Variants in FBN2 observed in about 807,000 individuals in gnomAD.
The protein encoded by FBN2 is fibrillin 2.
A neutral mutation model predicts 355.6 loss-of-function variants in FBN2; 105 were observed. That is an observed-to-expected ratio of 0.30 (90% CI 0.25 to 0.35). The LOEUF (loss-of-function observed/expected upper bound fraction) is 0.35, where lower values mean the gene tolerates loss of function less well. FBN2 is among the 10% of genes least tolerant of loss of function. The pLI is 1.00. For synonymous variants in FBN2, 1,350 were observed against 1,301.2 expected, an observed-to-expected ratio of 1.04 and a Z score of -0.81; for missense variants, 3,280 against 3,758.7, an observed-to-expected ratio of 0.87 and a Z score of 3.33.
At chr5:128,401,966 A>G (rs1752809412) in intron 8 of FBN2, among the ~76,000 whole-genome samples, 1 of 152,172 alleles carries the variant, frequency 6.6e-6, no homozygotes, top group East Asian at 1.9e-4. Context: ...CTAGTAACAA[A>G]AAGGAGGCAG....
intron 5 of FBN2, among the ~76,000 whole-genome samples, chr5:128,469,050 CTAGA>C (rs1754786435): frequency 6.6e-6 from 1 of 151,884 alleles, no homozygotes; most frequent in South Asian, 2.1e-4. Context: ...CTAGTATATA[CTAGA>C]TATTGTTCTG....
chr5:128,515,485 GGTGA>G (rs1041092995), intron 5 of FBN2, among the ~76,000 whole-genome samples: 1 of 152,072 alleles, frequency 6.6e-6, no homozygotes, highest in African/African-American at 2.4e-5. Flanking sequence ...TTCATGATGG[GGTGA>G]GTGAGTGAGA....
chr5:128,335,626 G>A, intron 28 of FBN2, 49 bp from the exon 29 acceptor site: 2 of 1,611,638 alleles, frequency 1.2e-6, no homozygotes, highest in Non-Finnish European at 8.5e-7. Flanking sequence ...TTCCTTAAAA[G>A]GAGTTTTCTT....
intron 7 of FBN2, among the ~76,000 whole-genome samples, chr5:128,437,282 T>A (rs886287420): frequency 6.6e-6 from 1 of 152,164 alleles, no homozygotes; most frequent in Non-Finnish European, 1.5e-5. Context: ...TATAGCTACA[T>A]AATGGAATAT....
At chr5:128,332,852 C>CA in intron 32 of FBN2, 60 bp downstream of exon 32, 3 of 1,545,728 alleles carry the variant, frequency 1.9e-6, no homozygotes, top group Non-Finnish European at 2.7e-6. Flanking sequence ...TACAACCATG[C>CA]AAAAAAGAGC....
chr5:128,413,877 A>G (rs536838748), intron 7 of FBN2, among the ~76,000 whole-genome samples: 2 of 152,320 alleles, frequency 1.3e-5, no homozygotes, highest in East Asian at 1.9e-4. Flanking sequence ...TTTGATATAG[A>G]AAAAAGTAAG....
Position 128,392,096 on chromosome 5 carries a change from G to C in FBN2, c.1525C>G (p.Arg509Gly). ...TAGCTTGAGACAGTTGGTATACAGCGTCCATTTAAACAAAGGTTAGCATGA... is the reference window on the plus strand; with the variant it reads ...TAGCTTGAGACAGTTGGTATACAGCCTCCATTTAAACAAAGGTTAGCATGA... ...KHHANLCLNG[R>G]CIPTVSSYRC... Residue 509 changes from arginine (R) to glycine (G), a missense_variant, in exon 11 of 65, where the codon CGC (arginine) becomes GGC (glycine). This residue lies in a region of FBN2 where 2,284 missense variants were observed against 2,749.5 expected (regional missense o/e 0.83). Coordinates refer to ENST00000262464, the MANE Select transcript of FBN2 (RefSeq NM_001999.4). 6.2e-7 allele frequency: 1 copy of C among 1,612,790 alleles called. No individual in the cohort carries two copies. Among genetic ancestry groups the C allele is most frequent in the Non-Finnish European group, 8.5e-7 (1 of 1,178,932 alleles).
chr5:128,465,123 A>C (rs1304530609), intron 5 of FBN2, among the ~76,000 whole-genome samples: 1 of 152,206 alleles, frequency 6.6e-6, no homozygotes, highest in East Asian at 1.9e-4. Flanking sequence ...TCCACACTAG[A>C]CACTGTAAAT....
intron 41 of FBN2, 142 bp from the exon 42 acceptor site, chr5:128,307,345 A>G: frequency 1.5e-6 from 1 of 667,744 alleles, no homozygotes. Context: ...ATTTGATAGC[A>G]ATGCCAGCTT....
intron 25 of FBN2, 199 bp from the exon 26 acceptor site, chr5:128,339,260 G>T: frequency 1.8e-6 from 1 of 569,284 alleles, no homozygotes; most frequent in Non-Finnish European, 3.2e-6. Context: ...CATGCCAACA[G>T]GCAAGTGGTG....
At chr5:128,369,124 C>A in intron 16 of FBN2, 58 bp downstream of exon 16, 1 of 1,561,122 alleles carries the variant, frequency 6.4e-7, no homozygotes, top group Non-Finnish European at 8.8e-7. Context: ...TTTGGCCAAA[C>A]ATCTAAGGTT....
chr5:128,429,382 A>G (rs1475795999), intron 7 of FBN2, among the ~76,000 whole-genome samples: 3 of 152,208 alleles, frequency 2.0e-5, no homozygotes, highest in Non-Finnish European at 4.4e-5. Flanking sequence ...AATGGTTTAC[A>G]GTATAGCAGT....
chr5:128,381,444 A>G (rs1214820246), intron 11 of FBN2, among the ~76,000 whole-genome samples: 5 of 152,106 alleles, frequency 3.3e-5, no homozygotes, highest in African/African-American at 9.7e-5. Flanking sequence ...TCAAAACATT[A>G]GCGCAGCTGA....
chr5:128,407,794 C>G (rs1042321941), intron 8 of FBN2, among the ~76,000 whole-genome samples: 2 of 152,122 alleles, frequency 1.3e-5, no homozygotes, highest in Non-Finnish European at 2.9e-5. Flanking sequence ...TTCTCTTGGG[C>G]ACATGAGAAT....
intron 18 of FBN2, among the ~76,000 whole-genome samples, chr5:128,363,792 A>T (rs918494351): frequency 6.6e-6 from 1 of 152,208 alleles, no homozygotes; most frequent in Non-Finnish European, 1.5e-5. Flanking sequence ...TAGTTATCAA[A>T]ATCTATTATA....
At chr5:128,303,747 G>A (rs1376346932) in intron 45 of FBN2, among the ~76,000 whole-genome samples, 1 of 152,168 alleles carries the variant, frequency 6.6e-6, no homozygotes, top group Non-Finnish European at 1.5e-5. Context: ...AGGTCTTACT[G>A]AAGAATCTGA....
intron 24 of FBN2, 40 bp downstream of exon 24, chr5:128,345,317 T>C (rs1751144830): frequency 6.7e-7 from 1 of 1,484,322 alleles, no homozygotes; most frequent in Non-Finnish European, 9.4e-7. Context: ...AGGCTTCCTG[T>C]TGGTGAAGAA....
chr5:128,286,016 A>G (rs932236995), intron 55 of FBN2, among the ~76,000 whole-genome samples: 1 of 152,158 alleles, frequency 6.6e-6, no homozygotes, highest in Non-Finnish European at 1.5e-5. Flanking sequence ...TCTTCCATAC[A>G]TGGTTATTAG....
Position 128,324,575 on chromosome 5 carries a change from T to G in FBN2, c.4471+4121A>C, listed in dbSNP as rs113853833. On this transcript the variant is annotated intron_variant, in intron 34 of 64. Coordinates refer to ENST00000262464, the MANE Select transcript of FBN2 (RefSeq NM_001999.4). ...AGTCATTCAGGAACAGGTTGTTCAG[T>G]TTCCATATAGTTGTGCAGTTTTGAG... 8.5e-4 allele frequency among the ~76,000 whole-genome samples: 129 copies of G among 152,238 alleles called. 2 individuals carry two copies. Among genetic ancestry groups the G allele is most frequent in the Middle Eastern group, 6.8e-3 (2 of 294 alleles).
Sources: allele counts gnomAD v4.1 joint callset (sites outside exome capture counted in the v4.1 genomes callset), GRCh38; gene constraint gnomAD v4.1.1; regional missense constraint gnomAD v4.1.1; transcripts MANE v1.5; gene names NCBI Gene and HGNC (gene_info 2026-07-23, HGNC 2026-07-21).